NBAS: variants seen among roughly 807,000 people sequenced by gnomAD.
NBAS encodes NBAS subunit of NRZ tethering complex, also known as NAG/BC035112 fusion.
A neutral mutation model predicts 302.5 loss-of-function variants in NBAS; 219 were observed. The ratio of observed to expected loss-of-function variants is 0.72; its 90% CI spans 0.65 to 0.81. NBAS has a LOEUF of 0.81. NBAS is among the 30% of genes least tolerant of loss of function. The probability of loss-of-function intolerance (pLI) is 0.00; values close to 1 mark genes in which losing one functional copy is unlikely to be tolerated. For missense variants in NBAS, 2,932 were observed against 2,841.6 expected (o/e 1.03, Z -0.72); for synonymous variants, 1,118 against 1,021.6 (o/e 1.09, Z -1.80).
the NBAS span, among the ~76,000 whole-genome samples, chr2:15,007,827 A>G: frequency 1.3e-5 from 2 of 152,254 alleles, no homozygotes; most frequent in South Asian, 4.1e-4. Flanking sequence ...ATCTAAGTTC[A>G]AATCCCAGCT....
At chr2:14,987,739 C>T in the NBAS span, among the ~76,000 whole-genome samples, 1 of 152,118 alleles carries the variant, frequency 6.6e-6, no homozygotes, top group South Asian at 2.1e-4. Context: ...AGCTATGCTA[C>T]CCATAATCTT....
chr2:15,166,093 A>G (rs1232584998), downstream of NBAS, among the ~76,000 whole-genome samples: 1 of 152,176 alleles, frequency 6.6e-6, no homozygotes, highest in Admixed American at 6.5e-5. Context: ...CATCAAGCAC[A>G]TACCTCTGTG....
At chr2:15,168,948 G>A (rs999814186) in intron 51 of NBAS, among the ~76,000 whole-genome samples, 2 of 152,208 alleles carry the variant, frequency 1.3e-5, no homozygotes, top group Non-Finnish European at 2.9e-5. Context: ...TAATTTGTAT[G>A]TCTGTCTCCC....
At chr2:15,237,105 C>A (rs1667629718) in intron 45 of NBAS, among the ~76,000 whole-genome samples, 1 of 152,054 alleles carries the variant, frequency 6.6e-6, no homozygotes, top group African/African-American at 2.4e-5. Context: ...GGTTCATTTA[C>A]CATAGTATTA....
intron 44 of NBAS, among the ~76,000 whole-genome samples, chr2:15,243,290 C>A (rs1380223863): frequency 1.3e-5 from 2 of 152,084 alleles, no homozygotes; most frequent in East Asian, 3.9e-4. Flanking sequence ...CATTTCAGAG[C>A]CGGGCAATAA....
chr2:14,900,124 T>TTTTTTTTTTTTTG, the NBAS span, among the ~76,000 whole-genome samples: 1 of 151,962 alleles, frequency 6.6e-6, no homozygotes, highest in Non-Finnish European at 1.5e-5. Flanking sequence ...TTTTTTTTTT[T>TTTTTTTTTTTTTG]TTGACTGGTT....
At chr2:15,152,986 G>C in the NBAS span, among the ~76,000 whole-genome samples, 3 of 152,238 alleles carry the variant, frequency 2.0e-5, no homozygotes, top group Non-Finnish European at 4.4e-5. Context: ...TAAGGCAGGA[G>C]AGAAATTAGA....
At chr2:15,323,948 C>T (rs1392329873) in intron 38 of NBAS, among the ~76,000 whole-genome samples, 1 of 149,378 alleles carries the variant, frequency 6.7e-6, no homozygotes, top group Non-Finnish European at 1.5e-5. Context: ...GATTCTAGGG[C>T]CACAATATTT....
the NBAS span, among the ~76,000 whole-genome samples, chr2:14,799,658 A>T: frequency 1.3e-5 from 2 of 152,140 alleles, no homozygotes; most frequent in East Asian, 3.8e-4. Context: ...CTGAGAGAAG[A>T]TTGTTGAAAC....
At chr2:15,245,611 ATGG>A (rs1199846910) in intron 44 of NBAS, among the ~76,000 whole-genome samples, 6 of 142,118 alleles carry the variant, frequency 4.2e-5, no homozygotes, top group African/African-American at 1.7e-4. Flanking sequence ...GAATGGAAGG[ATGG>A]ATGGATGGAT....
intron 51 of NBAS, among the ~76,000 whole-genome samples, chr2:15,169,716 AC>A (rs1181726228): frequency 6.6e-6 from 1 of 152,132 alleles, no homozygotes; most frequent in African/African-American, 2.4e-5. Flanking sequence ...TCTTCTGTTC[AC>A]CCCTGTATCC....
intron 44 of NBAS, among the ~76,000 whole-genome samples, chr2:15,258,405 C>T (rs1272437440): frequency 1.3e-5 from 2 of 152,086 alleles, no homozygotes; most frequent in Non-Finnish European, 2.9e-5. Context: ...CAAAAAGAGC[C>T]ATATTTTTCT....
intron 44 of NBAS, among the ~76,000 whole-genome samples, chr2:15,244,773 T>C (rs1324312635): frequency 6.6e-6 from 1 of 152,118 alleles, no homozygotes; most frequent in Non-Finnish European, 1.5e-5. Context: ...CAGAGTGTGT[T>C]CTGTGGTGGA....
the NBAS span, among the ~76,000 whole-genome samples, chr2:15,013,674 C>T: frequency 1.3e-5 from 2 of 152,130 alleles, no homozygotes; most frequent in Non-Finnish European, 2.9e-5. Context: ...ATCTCATCTA[C>T]TCAGGAGGCT....
At chr2:15,118,031 T>C in the NBAS span, among the ~76,000 whole-genome samples, 1 of 152,208 alleles carries the variant, frequency 6.6e-6, no homozygotes, top group South Asian at 2.1e-4. Flanking sequence ...CCTGTGTTTA[T>C]CAGGAATGGG....
the NBAS span, among the ~76,000 whole-genome samples, chr2:15,022,081 C>T: frequency 7.9e-5 from 12 of 152,232 alleles, no homozygotes; most frequent in South Asian, 2.5e-3. Flanking sequence ...AGCCACCATG[C>T]AGTGGCCTCA....
the NBAS span, among the ~76,000 whole-genome samples, chr2:15,068,174 G>T: frequency 2.6e-5 from 4 of 152,166 alleles, no homozygotes; most frequent in South Asian, 4.1e-4. Flanking sequence ...CCTCAGGCAG[G>T]TCCCCTACAT....
Position 15,330,682 on chromosome 2 carries a change from G to A in NBAS, c.4263C>T (p.Thr1421=), listed in dbSNP as rs1366185077. The A allele has an allele frequency of 5.6e-6, 9 of 1,613,944 alleles. No homozygotes were observed. The highest frequency in any genetic ancestry group is 2.2e-5 in the East Asian group (1 of 44,900). Residue 1421 remains threonine (T), a synonymous_variant, in exon 36 of 52, where the codon ACC becomes ACT. Coordinates refer to ENST00000281513, the MANE Select transcript of NBAS (RefSeq NM_015909.4). ...GCAGCACCGCTTTGGTGGTGGTTGTGGTGTTGGAAAGGACTTTCATGGTGG... is the reference window on the plus strand; with the variant it reads ...GCAGCACCGCTTTGGTGGTGGTTGTAGTGTTGGAAAGGACTTTCATGGTGG... The part of the protein sequence containing the change: ...TATTMKVLSN[T]TTTTKAVLQA...
chr2:15,238,845 A>G (rs1227187371), intron 44 of NBAS, among the ~76,000 whole-genome samples, 159 bp from the exon 45 acceptor site: 1 of 152,190 alleles, frequency 6.6e-6, no homozygotes, highest in Non-Finnish European at 1.5e-5. Context: ...TGAAGAAAAC[A>G]AAAAGTGAGG....
Sources: allele counts gnomAD v4.1 joint callset (sites outside exome capture counted in the v4.1 genomes callset), GRCh38; gene constraint gnomAD v4.1.1; transcripts MANE v1.5; gene names NCBI Gene and HGNC (gene_info 2026-07-23, HGNC 2026-07-21).